Variants in NAV3 observed in about 807,000 individuals in gnomAD.
NAV3 encodes the protein neuron navigator 3.
NAV3 carries 87 observed loss-of-function variants against 244.7 expected under a neutral mutation model. That is an observed-to-expected ratio of 0.36 (90% confidence interval 0.30 to 0.42). NAV3 has a LOEUF of 0.42. NAV3 is among the 20% of genes least tolerant of loss of function. NAV3 has a pLI of 1.00. For synonymous variants in NAV3, 1,126 were observed against 1,042.2 expected (o/e 1.08, Z -1.55); for missense variants, 2,663 against 2,893.3 (o/e 0.92, Z 1.83).
At chr12:77,924,120 TG>T (rs748381483) in intron 1 of NAV3, among the ~76,000 whole-genome samples, 7 of 152,244 alleles carry the variant, frequency 4.6e-5, no homozygotes, top group Admixed American at 2.6e-4. Context: ...CAGTGTTTCC[TG>T]GGGGTTGGGT....
At chr12:77,880,599 G>A (rs1382643) in intron 1 of NAV3, among the ~76,000 whole-genome samples, 18,622 of 152,096 alleles carry the variant, frequency 0.12, 1,182 homozygotes, top group East Asian at 0.22. Flanking sequence ...ATTGCAGTAA[G>A]GTACTGCACA....
At chr12:77,901,178 A>G (rs753595855) in intron 1 of NAV3, among the ~76,000 whole-genome samples, 4 of 152,020 alleles carry the variant, frequency 2.6e-5, no homozygotes, top group Non-Finnish European at 5.9e-5. Context: ...TAGATTGCGT[A>G]TTTACTCTAT....
At chr12:78,203,967 G>T (rs1246842975) in intron 38 of NAV3, among the ~76,000 whole-genome samples, 1 of 151,198 alleles carries the variant, frequency 6.6e-6, no homozygotes, top group Non-Finnish European at 1.5e-5. Flanking sequence ...CCATTCCACT[G>T]CCAGTACTTT....
chr12:78,028,245 A>AT (rs1207288178), intron 9 of NAV3, among the ~76,000 whole-genome samples: 1 of 152,228 alleles, frequency 6.6e-6, no homozygotes, highest in African/African-American at 2.4e-5. Context: ...ACTTAATGGT[A>AT]TGCTGATGGT....
chr12:77,829,725 A>G (rs1225189041), upstream of NAV3, among the ~76,000 whole-genome samples: 1 of 152,202 alleles, frequency 6.6e-6, no homozygotes, highest in Non-Finnish European at 1.5e-5. Context: ...CTTCTAACTT[A>G]CATTTCCTGT....
intron 1 of NAV3, among the ~76,000 whole-genome samples, chr12:77,873,895 T>G (rs748239227): frequency 8.6e-5 from 13 of 150,940 alleles, no homozygotes; most frequent in Non-Finnish European, 1.6e-4. Context: ...CCCTGGGCCA[T>G]GGACTGGTAC....
intron 12 of NAV3, among the ~76,000 whole-genome samples, chr12:78,093,540 A>T (rs1200587893): frequency 4.6e-5 from 7 of 152,204 alleles, no homozygotes; most frequent in Admixed American, 2.6e-4. Flanking sequence ...AATAAAACAC[A>T]TAACACTATG....
chr12:77,580,254 A>ACACG (rs1555183339), intron 2 of NAV3, among the ~76,000 whole-genome samples: 1 of 151,248 alleles, frequency 6.6e-6, no homozygotes, highest in African/African-American at 2.4e-5. Flanking sequence ...ACACACACAC[A>ACACG]CACACACAAA....
intron 1 of NAV3, among the ~76,000 whole-genome samples, chr12:77,914,364 T>C (rs972856730): frequency 2.0e-5 from 3 of 152,122 alleles, no homozygotes; most frequent in Non-Finnish European, 4.4e-5. Flanking sequence ...AGATGATTTA[T>C]ACTGCTTGTG....
chr12:78,130,514 C>A, intron 18 of NAV3: 1 of 202,268 alleles, frequency 4.9e-6, no homozygotes. Context: ...AGGGAAGCCT[C>A]GATTCCTGGC....
intron 5 of NAV3, among the ~76,000 whole-genome samples, chr12:77,973,245 T>C (rs1322051235): frequency 6.6e-6 from 1 of 152,128 alleles, no homozygotes; most frequent in Non-Finnish European, 1.5e-5. Context: ...CATGAATAGT[T>C]TATGTAGTAT....
At chr12:77,693,801 C>T (rs1406779935) in intron 2 of NAV3, among the ~76,000 whole-genome samples, 1 of 152,030 alleles carries the variant, frequency 6.6e-6, no homozygotes, top group East Asian at 1.9e-4. Context: ...AGTCATCGTG[C>T]TGCATAACTT....
chr12:77,997,196 C>A (rs532522176), intron 6 of NAV3, among the ~76,000 whole-genome samples: 5 of 140,212 alleles, frequency 3.6e-5, no homozygotes, highest in Non-Finnish European at 6.0e-5. Context: ...TGAGATTGTG[C>A]CACTGCACTC....
chr12:77,933,105 G>C (rs1888972034), intron 1 of NAV3, among the ~76,000 whole-genome samples: 2 of 152,032 alleles, frequency 1.3e-5, no homozygotes, highest in Admixed American at 6.6e-5. Flanking sequence ...GGAATAAATT[G>C]ACTTCATAAG....
chr12:77,945,193 T>C (rs1209659514), intron 3 of NAV3, among the ~76,000 whole-genome samples: 4 of 149,642 alleles, frequency 2.7e-5, no homozygotes, highest in African/African-American at 9.9e-5. Flanking sequence ...GAAGAAAGCA[T>C]AGAAGGAGGA....
chr12:77,808,307 G>T (rs139834807), intron 2 of NAV3, among the ~76,000 whole-genome samples: 1 of 152,104 alleles, frequency 6.6e-6, no homozygotes, highest in Non-Finnish European at 1.5e-5. Context: ...CCTGATTTTC[G>T]TGGATTTATC....
At chr12:78,093,317 A>T (rs1014638499) in intron 12 of NAV3, among the ~76,000 whole-genome samples, 50 of 152,190 alleles carry the variant, frequency 3.3e-4, no homozygotes, top group African/African-American at 1.2e-3. Context: ...TCTACATTTC[A>T]TATGTTCACT....
At chr12:77,693,638 C>T (rs1173503494) in intron 2 of NAV3, among the ~76,000 whole-genome samples, 4 of 152,038 alleles carry the variant, frequency 2.6e-5, no homozygotes, top group African/African-American at 9.7e-5. Context: ...ACAAATTATT[C>T]CACCAGTTCT....
At chr12:77,588,422 A>C (rs7972287) in intron 2 of NAV3, among the ~76,000 whole-genome samples, 45,318 of 151,960 alleles carry the variant, frequency 0.3, 6,934 homozygotes, top group East Asian at 0.47. Context: ...CCCAACCAAT[A>C]AGTATTTACT....
Sources: gnomAD v4.1 joint callset for allele counts (sites outside exome capture counted in the v4.1 genomes callset) on GRCh38, gnomAD v4.1.1 for gene constraint, MANE v1.5 for transcripts, NCBI Gene and HGNC (gene_info 2026-07-23, HGNC 2026-07-21) for gene names.